Variants in DEAF1 observed in about 807,000 individuals in gnomAD.
DEAF1 encodes the protein DEAF1 transcription factor, also known as deformed epidermal autoregulatory factor 1 homolog.
Under a neutral mutation model 58.9 loss-of-function variants are expected in DEAF1, and 53 were observed. That is an observed-to-expected ratio of 0.90 (90% CI 0.72 to 1.13). DEAF1 has a LOEUF of 1.13. Among genes scored for constraint, DEAF1 ranks in the 50% most tolerant of loss-of-function variants. The pLI, the probability that DEAF1 is intolerant of heterozygous loss-of-function variation, is 0.00. For synonymous variants in DEAF1, 385 were observed against 340.4 expected (o/e 1.13, Z -1.44); for missense variants, 685 against 791.4 (o/e 0.87, Z 1.61).
At position 681,237 on chromosome 11, in the gene DEAF1, C is replaced by G; in HGVS notation, c.871-148G>C. 3 of 1,160,768 alleles carry G rather than the reference C, an allele frequency of 2.6e-6. No individual in the cohort carries two copies. In the South Asian group the frequency reaches 4.0e-5, roughly 15 times the overall value. 71.9% of individuals were successfully genotyped at this position (1,160,768 alleles called of 1,614,324 possible). A position where few individuals can be genotyped will look rare whatever the true frequency, so the allele number is the denominator to read the frequency against. On this transcript the variant is annotated intron_variant, in intron 6 of 11. Coordinates refer to ENST00000382409, the MANE Select transcript of DEAF1 (RefSeq NM_021008.4). ...TGGTAAGCGCCCCTAAAGATCCCAC[C>G]TCTTTTTCTTTTTTGAGACGGAGTT...
In DEAF1 at chr11:694,655, G is replaced by A. The variant is rs1161679589; in HGVS notation, c.289+104C>T. 5.4e-6 allele frequency: 6 copies of A among 1,104,840 alleles called. No homozygotes were observed. In the African/African-American group the frequency reaches 8.3e-5, roughly 15 times the overall value. The allele number at this position is 1,104,840 out of a possible 1,614,324, so 68.4% of individuals were successfully genotyped here. On this transcript the variant is annotated intron_variant, in intron 1 of 11. Coordinates refer to ENST00000382409, the MANE Select transcript of DEAF1 (RefSeq NM_021008.4). Reference sequence around the variant, plus strand: ...GCTGGTCACGTGGAGCAGGTGTGAGGGACAGGTGTGGCGGGCTGGTCACCT... The same window carrying A: ...GCTGGTCACGTGGAGCAGGTGTGAGAGACAGGTGTGGCGGGCTGGTCACCT...
At position 688,515 on chromosome 11, in the gene DEAF1, C is replaced by A; in HGVS notation, c.388-55G>T. On this transcript the variant is annotated intron_variant, in intron 2 of 11. Coordinates refer to ENST00000382409, the MANE Select transcript of DEAF1 (RefSeq NM_021008.4). This position sits in a 1 kb window ranked among gnomAD's most constrained non-coding sequence, Gnocchi z 4.3. ...CGTCCGAGAGTGACACCAGGCGTGT[C>A]ACTGAGCCCAGCTGGGCCGTCCTCC... 6.2e-7 allele frequency: 1 copy of A among 1,610,300 alleles called. No homozygotes were observed. Among genetic ancestry groups the A allele is most frequent in the South Asian group, 1.1e-5 (1 of 91,030 alleles).
chr11:652,065 AAC>A (rs1858797812), intron 11 of DEAF1, among the ~76,000 whole-genome samples: 1 of 152,196 alleles, frequency 6.6e-6, no homozygotes, highest in South Asian at 2.1e-4. Context: ...ATATACAAGC[AAC>A]ACTCTCCATG....
In DEAF1 at chr11:704,697, T is replaced by C. The variant is rs1001494812; in HGVS notation, c.-438+1875A>G. 32 of 1,259,208 alleles carry C rather than the reference T, an allele frequency of 2.5e-5. No individual in the cohort carries two copies. The African/African-American group carries it at 4.9e-4, about 19-fold the overall frequency. The allele number at this position is 1,259,208 out of a possible 1,614,324, so 78.0% of individuals were successfully genotyped here. A position where few individuals can be genotyped will look rare whatever the true frequency, so the allele number is the denominator to read the frequency against. ...CGAGCACACAAAGGCAGTGGTCACC[T>C]GTTCCACAGGGAACGCCATGGCTCC... is the stretch of plus-strand genomic sequence containing the variant. On this transcript the variant is annotated intron_variant, in intron 1 of 11. Transcript: ENST00000683307.
In DEAF1 at chr11:694,813, C is replaced by T; in HGVS notation, c.235G>A (p.Gly79Ser). The change falls in exon 1 of 12, where the codon GGC becomes AGC. Residue 79 changes from glycine (G) to serine (S), a missense_variant. By Grantham distance (56) the Gly-to-Ser change is moderately conservative (BLOSUM62 0). This residue lies in a region of DEAF1 where 210 missense variants were observed against 177.3 expected (regional missense o/e 1.18). Transcript: ENST00000382409. The stretch of plus-strand genomic sequence containing the variant: ...TCGGGGCCGGGCAGGGCCTCGGCGC[C>T]CATGTCCATGTGCCCGGGCTCCGCC... ...MAAEPGHMDMGAEALPGPDEA... is the reference protein window; with the variant it reads ...MAAEPGHMDMSAEALPGPDEA... 7.0e-7 allele frequency: 1 copy of T among 1,434,608 alleles called. No homozygotes were observed. Among genetic ancestry groups the T allele is most frequent in the East Asian group, 3.0e-5 (1 of 32,864 alleles). 88.9% of individuals were successfully genotyped at this position (1,434,608 alleles called of 1,614,324 possible). A position where few individuals can be genotyped will look rare whatever the true frequency, so the allele number is the denominator to read the frequency against.
At chr11:656,822 A>C (rs990448179) in intron 10 of DEAF1, among the ~76,000 whole-genome samples, 1 of 151,294 alleles carries the variant, frequency 6.6e-6, no homozygotes, top group African/African-American at 2.4e-5. Context: ...CTCAGCTGGG[A>C]CTTTCAACCA....
Position 695,173 on chromosome 11 carries a change from A to T in DEAF1, c.-126T>A. On this transcript the variant is annotated 5_prime_UTR_variant, in exon 1 of 12. Coordinates refer to ENST00000382409, the MANE Select transcript of DEAF1 (RefSeq NM_021008.4). ...CGAGGCCGCCCGAAGCCGCCGCCCGAATAGGGACCGAAAAGGCAGCCAGCC... is the reference window on the plus strand; with the variant it reads ...CGAGGCCGCCCGAAGCCGCCGCCCGTATAGGGACCGAAAAGGCAGCCAGCC... 1 of 888,690 alleles carries T rather than the reference A, an allele frequency of 1.1e-6. No individual in the cohort carries two copies. Among genetic ancestry groups the T allele is most frequent in the Non-Finnish European group, 1.5e-6 (1 of 656,988 alleles). The allele number at this position is 888,690 out of a possible 1,614,324, so 55.1% of individuals were successfully genotyped here.
chr11:681,028 G>A lies in DEAF1; in HGVS notation c.932C>T (p.Thr311Ile), dbSNP rs1454182690. 3.7e-6 allele frequency: 6 copies of A among 1,614,050 alleles called. No individual in the cohort carries two copies. The highest frequency in any genetic ancestry group is 5.1e-6 in the Non-Finnish European group (6 of 1,180,042). The change falls in exon 7 of 12, where the codon ACA becomes ATA. Residue 311 changes from threonine to isoleucine, a missense_variant. By Grantham distance (89) the Thr-to-Ile change is moderately conservative (BLOSUM62 -1). Transcript: ENST00000382409. ...KRRKKENELP[T>I]TPVKKDSPKN... Reference sequence around the variant, plus strand: ...GGGGGAGTCCTTCTTCACGGGAGTTGTGGGCAGTTCATTCTCCTTCTTGCG... The same window carrying A: ...GGGGGAGTCCTTCTTCACGGGAGTTATGGGCAGTTCATTCTCCTTCTTGCG...
chr11:670,224 G>C (rs755428375), intron 10 of DEAF1, among the ~76,000 whole-genome samples: 1 of 152,102 alleles, frequency 6.6e-6, no homozygotes, highest in South Asian at 2.1e-4. Context: ...TTATGGTGGA[G>C]ATTGAGGCAC....
chr11:678,583 A>G (rs1860186547), intron 9 of DEAF1, 111 bp downstream of exon 9: 1 of 1,536,888 alleles, frequency 6.5e-7, no homozygotes, highest in Admixed American at 1.7e-5. Flanking sequence ...TAATGCATCA[A>G]CAAAAACAAC....
chr11:650,956 T>A (rs985773254), intron 11 of DEAF1, among the ~76,000 whole-genome samples: 3 of 151,766 alleles, frequency 2.0e-5, no homozygotes, highest in East Asian at 1.9e-4. Flanking sequence ...TATGCTACTA[T>A]CAGAAAAGGT....
chr11:647,649 G>C (rs1031185129), intron 11 of DEAF1, among the ~76,000 whole-genome samples: 6 of 152,224 alleles, frequency 3.9e-5, no homozygotes, highest in African/African-American at 7.2e-5. Context: ...GAGAGAGGGG[G>C]ACAAGCCAGG....
At position 644,393 on chromosome 11, in the gene DEAF1, T is replaced by G; in HGVS notation, c.*157A>C. On this transcript the variant is annotated 3_prime_UTR_variant, in exon 12 of 12. Transcript: ENST00000382409. This position sits in a 1 kb window ranked among gnomAD's most constrained non-coding sequence, Gnocchi z 4.3. ...GGGGAGTGCGCTTCCCAGGGCACCA[T>G]TCGCTTAAAGTGTGTTAATGACTTG... 1.5e-6 allele frequency: 1 copy of G among 682,958 alleles called. No individual in the cohort carries two copies. The highest frequency in any genetic ancestry group is 2.6e-6 in the Non-Finnish European group (1 of 379,268). 42.3% of individuals were successfully genotyped at this position (682,958 alleles called of 1,614,324 possible).
At chr11:680,386 G>A (rs960757128) in intron 7 of DEAF1, among the ~76,000 whole-genome samples, 1 of 152,180 alleles carries the variant, frequency 6.6e-6, no homozygotes, top group African/African-American at 2.4e-5. Flanking sequence ...GTTAACAAAA[G>A]CCTATTACAA....
chr11:657,831 C>G (rs1003212799), intron 10 of DEAF1, among the ~76,000 whole-genome samples: 4 of 152,114 alleles, frequency 2.6e-5, no homozygotes, highest in Non-Finnish European at 4.4e-5. Context: ...GCATGGAAGA[C>G]AAGGAAAGAC....
chr11:645,609 C>T lies in DEAF1; in HGVS notation c.1594-955G>A, dbSNP rs549591666. On this transcript the variant is annotated intron_variant, in intron 11 of 11. Transcript: ENST00000382409. ...CTGGGATGACAGGTGTGAGCCACTG[C>T]GCCCCGCCCCAGTTCTGTTTTTAAT... 4.8e-4 allele frequency among the ~76,000 whole-genome samples: 73 copies of T among 152,324 alleles called. 1 individual carries two copies. The South Asian group carries it at 0.013, about 28-fold the overall frequency.
intron 10 of DEAF1, 49 bp from the exon 11 acceptor site, chr11:654,100 C>T (rs1488203043): frequency 6.5e-7 from 1 of 1,534,710 alleles, no homozygotes; most frequent in Non-Finnish European, 8.9e-7. Flanking sequence ...CGTGGAGAGC[C>T]CCTGAGACAC....
At chr11:673,050 G>A (rs1366182933) in intron 10 of DEAF1, among the ~76,000 whole-genome samples, 1 of 152,050 alleles carries the variant, frequency 6.6e-6, no homozygotes, top group Non-Finnish European at 1.5e-5. Context: ...TTGGGAGGCT[G>A]AGGCAGGATA....
Position 688,792 on chromosome 11 carries a change from T to A in DEAF1, c.388-332A>T, listed in dbSNP as rs1386358163. ...ACAAGGTCACCGTCTTCATGCAGAG[T>A]TTCCAACAGACCGAGTTGGCCGCCA... On this transcript the variant is annotated intron_variant, in intron 2 of 11. Transcript: ENST00000382409. This position sits in a 1 kb window ranked among gnomAD's most constrained non-coding sequence, Gnocchi z 4.3. 6.6e-6 allele frequency among the ~76,000 whole-genome samples: 1 copy of A among 151,772 alleles called. No individual in the cohort carries two copies. Among genetic ancestry groups the A allele is most frequent in the Non-Finnish European group, 1.5e-5 (1 of 67,944 alleles).
Sources: allele counts gnomAD v4.1 joint callset (sites outside exome capture counted in the v4.1 genomes callset), GRCh38; gene constraint gnomAD v4.1.1; regional missense constraint gnomAD v4.1.1; non-coding constraint Gnocchi (gnomAD v3.1); transcripts MANE v1.5; gene names NCBI Gene and HGNC (gene_info 2026-07-23, HGNC 2026-07-21).